Variants in ARPP21 observed in about 807,000 individuals in gnomAD.
ARPP21 encodes cAMP regulated phosphoprotein 21, also known as cAMP-regulated phosphoprotein 21.
ARPP21 carries 69 observed loss-of-function variants against 113.2 expected under a neutral mutation model. That is an observed-to-expected ratio of 0.61 (90% CI 0.50 to 0.74). The LOEUF (loss-of-function observed/expected upper bound fraction) is 0.74. Ranked by LOEUF, ARPP21 falls within the 30% of genes least tolerant of loss-of-function variation. The probability of loss-of-function intolerance (pLI) is 0.00; values close to 1 mark genes in which losing one functional copy is unlikely to be tolerated. For synonymous variants in ARPP21, 368 were observed against 375.5 expected (o/e 0.98, Z 0.23); for missense variants, 1,070 against 1,037.4 (o/e 1.03, Z -0.43).
intron 1 of ARPP21, among the ~76,000 whole-genome samples, chr3:35,662,171 A>G (rs1302392829): frequency 6.6e-6 from 1 of 152,186 alleles, no homozygotes; most frequent in Non-Finnish European, 1.5e-5. Flanking sequence ...TAAGCATTAA[A>G]TATGTGGTCC....
intron 20 of ARPP21, 137 bp downstream of exon 20, chr3:35,792,667 A>T: frequency 2.8e-6 from 2 of 727,252 alleles, no homozygotes; most frequent in Non-Finnish European, 4.7e-6. Flanking sequence ...TTTACTTTGA[A>T]TCAAGATTAT....
intron 11 of ARPP21, among the ~76,000 whole-genome samples, chr3:35,710,855 T>C (rs554232334): frequency 2.6e-5 from 4 of 152,318 alleles, no homozygotes; most frequent in Admixed American, 2.6e-4. Context: ...TGACTTTCTC[T>C]ATACATTGCA....
At chr3:35,764,546 TAC>T (rs2095888678) in intron 19 of ARPP21, among the ~76,000 whole-genome samples, 1 of 152,162 alleles carries the variant, frequency 6.6e-6, no homozygotes, top group Non-Finnish European at 1.5e-5. Context: ...CGAGGTGAGA[TAC>T]TGATTTATGA....
At chr3:35,770,576 C>T (rs1023888237) in intron 19 of ARPP21, among the ~76,000 whole-genome samples, 1 of 152,190 alleles carries the variant, frequency 6.6e-6, no homozygotes, top group Non-Finnish European at 1.5e-5. Context: ...TGAAGACACA[C>T]CCAGCCTTTA....
At chr3:35,710,542 A>AACACAC (rs3086903) in intron 11 of ARPP21, among the ~76,000 whole-genome samples, 1,665 of 132,922 alleles carry the variant, frequency 0.013, 16 homozygotes, top group African/African-American at 0.024. Flanking sequence ...CTCTCTCTCA[A>AACACAC]ACACACACAC....
Position 35,737,213 on chromosome 3 carries a change from A to G in ARPP21, c.1495A>G (p.Ile499Val), listed in dbSNP as rs1009662386. 3.1e-6 allele frequency: 5 copies of G among 1,612,302 alleles called. No homozygotes were observed. The African/African-American group carries it at 4.0e-5, about 13-fold the overall frequency. ...PFVNPDGTPAIYNPPTSQQPL... is the reference protein window; with the variant it reads ...PFVNPDGTPAVYNPPTSQQPL... ...TGTGAATCCCGATGGAACTCCTGCAATATACAACCCACCCACCAGTCAGCA... is the reference window on the plus strand; with the variant it reads ...TGTGAATCCCGATGGAACTCCTGCAGTATACAACCCACCCACCAGTCAGCA... The change falls in exon 16 of 21, where the codon ATA (isoleucine) becomes GTA (valine). Residue 499 changes from isoleucine to valine, a missense_variant. By Grantham distance (29) the Ile-to-Val change is conservative. Transcript: ENST00000684406.
intron 1 of ARPP21, chr3:35,678,937 G>A (rs1254869000): frequency 6.6e-6 from 1 of 151,964 alleles, no homozygotes; most frequent in Non-Finnish European, 1.5e-5. Flanking sequence ...AGCCTGATTT[G>A]GGCAAATATT....
At chr3:35,712,471 C>T (rs961263351) in intron 11 of ARPP21, among the ~76,000 whole-genome samples, 1 of 150,156 alleles carries the variant, frequency 6.7e-6, no homozygotes, top group African/African-American at 2.5e-5. Flanking sequence ...AAATCAGAAA[C>T]ATTCTTGAAT....
intron 11 of ARPP21, among the ~76,000 whole-genome samples, chr3:35,710,013 G>C (rs1339346489): frequency 6.6e-6 from 1 of 152,230 alleles, no homozygotes; most frequent in Non-Finnish European, 1.5e-5. Flanking sequence ...GCCAAAGCCA[G>C]TTTCTCTGAT....
intron 1 of ARPP21, among the ~76,000 whole-genome samples, chr3:35,674,734 T>C (rs2077079397): frequency 6.6e-6 from 1 of 151,802 alleles, no homozygotes; most frequent in South Asian, 2.1e-4. Context: ...CTGAGCATAA[T>C]ATTTAGAAAC....
intron 14 of ARPP21, among the ~76,000 whole-genome samples, chr3:35,723,253 A>T (rs1437369534): frequency 6.6e-6 from 1 of 152,226 alleles, no homozygotes; most frequent in African/African-American, 2.4e-5. Context: ...CCCCACCTCC[A>T]TGCAAAATCT....
At chr3:35,702,698 A>T (rs2086887115) in intron 9 of ARPP21, among the ~76,000 whole-genome samples, 1 of 151,800 alleles carries the variant, frequency 6.6e-6, no homozygotes, top group Non-Finnish European at 1.5e-5. Flanking sequence ...CTAATAAAGA[A>T]CATTGGCTAC....
At chr3:35,697,582 G>A (rs1173353037) in intron 9 of ARPP21, among the ~76,000 whole-genome samples, 2 of 151,556 alleles carry the variant, frequency 1.3e-5, no homozygotes, top group Non-Finnish European at 3.0e-5. Context: ...AACCCCTGAA[G>A]TGATGGATAG....
At chr3:35,760,978 T>C (rs1487405477) in intron 19 of ARPP21, among the ~76,000 whole-genome samples, 1 of 152,122 alleles carries the variant, frequency 6.6e-6, no homozygotes, top group Non-Finnish European at 1.5e-5. Context: ...AGCACTTTTT[T>C]TCCCTGACTG....
At position 35,738,289 on chromosome 3, in the gene ARPP21, C is replaced by T. The variant is rs2094473889; in HGVS notation, c.1720C>T (p.Pro574Ser). ...AVSFPPQHLLPVSPTQHFPMR... is the reference protein window; with the variant it reads ...AVSFPPQHLLSVSPTQHFPMR... Reference sequence around the variant, plus strand: ...CTCTTTTCCTCCCCAGCACCTCCTACCTGTGTCTCCAACGCAGCACTTTCC... The same window carrying T: ...CTCTTTTCCTCCCCAGCACCTCCTATCTGTGTCTCCAACGCAGCACTTTCC... The change falls in exon 17 of 21, where the codon CCT (proline) becomes TCT (serine). Residue 574 changes from proline (P) to serine (S), a missense_variant. Coordinates refer to ENST00000684406, the MANE Select transcript of ARPP21 (RefSeq NM_001385562.1). 4 of 1,535,326 alleles carry T rather than the reference C, an allele frequency of 2.6e-6. No individual in the cohort carries two copies. Among genetic ancestry groups the T allele is most frequent in the Admixed American group, 2.0e-5 (1 of 50,974 alleles).
rs953670067 is a variant in ARPP21 at position 35,679,399 on chromosome 3, C to A, written c.-212-388C>A. Among the ~76,000 whole-genome samples, 112 of 150,786 alleles carry A rather than the reference C, an allele frequency of 7.4e-4. 2 individuals are homozygous for A. The highest frequency in any genetic ancestry group is 3.4e-3 in the Middle Eastern group (1 of 292). ...TGTATAATGTAATCTATAATTAAGA[C>A]AAAGGCTTTGGTTAGAAAAAGAGGC... On this transcript the variant is annotated intron_variant, in intron 1 of 20. Transcript: ENST00000684406.
chr3:35,694,678 A>G (rs1231442508), intron 9 of ARPP21, among the ~76,000 whole-genome samples: 1 of 151,108 alleles, frequency 6.6e-6, no homozygotes, highest in Non-Finnish European at 1.5e-5. Flanking sequence ...TATTGAGCAG[A>G]GCCTTCAAGA....
At chr3:35,710,542 A>AACACACACAC (rs3086903) in intron 11 of ARPP21, among the ~76,000 whole-genome samples, 26 of 132,962 alleles carry the variant, frequency 2.0e-4, no homozygotes, top group East Asian at 1.7e-3. Context: ...CTCTCTCTCA[A>AACACACACAC]ACACACACAC....
intron 1 of ARPP21, among the ~76,000 whole-genome samples, chr3:35,649,565 T>C (rs1352814289): frequency 6.6e-6 from 1 of 152,190 alleles, no homozygotes; most frequent in African/African-American, 2.4e-5. Context: ...TGTGTGCCTT[T>C]GGAGAGATTA....
Sources: allele counts gnomAD v4.1 joint callset (sites outside exome capture counted in the v4.1 genomes callset), GRCh38; gene constraint gnomAD v4.1.1; transcripts MANE v1.5; gene names NCBI Gene and HGNC (gene_info 2026-07-23, HGNC 2026-07-21).